The following PCDHGA12 variants were observed in gnomAD, a reference collection of about 807,000 sequenced individuals.
The protein encoded by PCDHGA12 is protocadherin gamma subfamily A, 12, also known as protocadherin gamma-A12.
Under a neutral mutation model 61.1 loss-of-function variants are expected in PCDHGA12, and 43 were observed. That is an observed-to-expected ratio of 0.70 (90% CI 0.55 to 0.91). PCDHGA12 has a LOEUF of 0.91. Among genes scored for constraint, PCDHGA12 ranks in the 40% least tolerant of loss-of-function variants. The probability of loss-of-function intolerance (pLI) is 0.00; values close to 1 mark genes in which losing one functional copy is unlikely to be tolerated. For missense variants in PCDHGA12, 1,236 were observed against 1,227.7 expected, an observed-to-expected ratio of 1.01 and a Z score of -0.10; for synonymous variants, 520 against 542.9, an observed-to-expected ratio of 0.96 and a Z score of 0.59.
chr5:141,485,882 G>C lies in PCDHGA12; in HGVS notation c.2425-8925G>C. 6.2e-7 allele frequency: 1 copy of C among 1,614,146 alleles called. No homozygotes were observed. On this transcript the variant is annotated intron_variant, in intron 1 of 3. Transcript: ENST00000252085. The surrounding 1 kb of genome is among the most constrained non-coding windows in gnomAD (Gnocchi z 5.7). ...CCGGGTATCCGTGCTGGACGTAAACGACAACGCCCCAGCCTTCCAGCAATC... is the reference window on the plus strand; with the variant it reads ...CCGGGTATCCGTGCTGGACGTAAACCACAACGCCCCAGCCTTCCAGCAATC...
rs1562187768 is a variant in PCDHGA12, at chr5:141,499,029, A to AAGG, written c.2483+4165_2483+4166insGGA. 5.0e-3 allele frequency among the ~76,000 whole-genome samples: 706 copies of AAGG among 140,066 alleles called. 6 individuals carry two copies. Among genetic ancestry groups the AAGG allele is most frequent in the African/African-American group, 0.019 (683 of 36,064 alleles). The allele number at this position is 140,066 out of a possible 152,430, so 91.9% of individuals were successfully genotyped here. A position where few individuals can be genotyped will look rare whatever the true frequency, so the allele number is the denominator to read the frequency against. ...GGAAGGAAGGAAGGAAGGAAGGAAG[A>AAGG]AAAGAAAGAAAAAGGGAGAAAAAAT... On this transcript the variant is annotated intron_variant, in intron 2 of 3. Transcript: ENST00000252085.
At chr5:141,473,102 C>T (rs1465515592) in intron 1 of PCDHGA12, among the ~76,000 whole-genome samples, 1 of 152,054 alleles carries the variant, frequency 6.6e-6, no homozygotes, top group Non-Finnish European at 1.5e-5. Flanking sequence ...AGTTGTATTA[C>T]CACACTTTAC....
Position 141,487,892 on chromosome 5 carries a change from T to A in PCDHGA12, c.2425-6915T>A. On this transcript the variant is annotated intron_variant, in intron 1 of 3. Coordinates refer to ENST00000252085, the MANE Select transcript of PCDHGA12 (RefSeq NM_003735.3). The surrounding 1 kb of genome is among the most constrained non-coding windows in gnomAD (Gnocchi z 5.0). The stretch of plus-strand genomic sequence containing the variant: ...GAGCCAGGCTGTTGTGGAAGCATGA[T>A]GATGGAATGTGGGAGCACAGGAGGC... 1 of 731,410 alleles carries A rather than the reference T, an allele frequency of 1.4e-6. No homozygotes were observed. Among genetic ancestry groups the A allele is most frequent in the South Asian group, 1.8e-5 (1 of 54,120 alleles). The allele number at this position is 731,410 out of a possible 1,614,324, so 45.3% of individuals were successfully genotyped here. A position where few individuals can be genotyped will look rare whatever the true frequency, so the allele number is the denominator to read the frequency against.
chr5:141,455,466 A>G (rs1253494886), intron 1 of PCDHGA12, among the ~76,000 whole-genome samples: 1 of 152,164 alleles, frequency 6.6e-6, no homozygotes, highest in East Asian at 1.9e-4. Flanking sequence ...AGCCAGGTAT[A>G]TATGCAGAGG....
intron 1 of PCDHGA12, among the ~76,000 whole-genome samples, chr5:141,480,408 C>A (rs371569489): frequency 7.2e-6 from 1 of 138,932 alleles, no homozygotes; most frequent in African/African-American, 2.9e-5. Flanking sequence ...GAGTGAGACC[C>A]TGTCTCAAAA....
At position 141,432,195 on chromosome 5, in the gene PCDHGA12, C is replaced by G; in HGVS notation, c.1436C>G (p.Pro479Arg). 1 of 1,614,206 alleles carries G rather than the reference C, an allele frequency of 6.2e-7. No individual in the cohort carries two copies. The highest frequency in any genetic ancestry group is 8.5e-7 in the Non-Finnish European group (1 of 1,180,050). The change falls in exon 1 of 4, where the codon CCC (proline) becomes CGC (arginine). Residue 479 changes from proline to arginine, a missense_variant. Physicochemically the swap from Pro to Arg is moderately radical, Grantham distance 103. Transcript: ENST00000252085. The surrounding 1 kb of genome is among the most constrained non-coding windows in gnomAD (Gnocchi z 6.0). The part of the protein sequence containing the change: ...VSLVSVTAHD[P>R]DCEENAQITY... ...CTCGTCTCTGTGACCGCCCACGACC[C>G]CGACTGTGAAGAGAACGCCCAGATC...
At chr5:141,450,627 C>G (rs947866993) in intron 1 of PCDHGA12, among the ~76,000 whole-genome samples, 1 of 151,592 alleles carries the variant, frequency 6.6e-6, no homozygotes, top group African/African-American at 2.4e-5. Context: ...GCTGGGATTA[C>G]AGATGCCTGC....
intron 1 of PCDHGA12, among the ~76,000 whole-genome samples, chr5:141,447,983 G>A (rs1311439824): frequency 6.6e-6 from 1 of 151,972 alleles, no homozygotes; most frequent in Non-Finnish European, 1.5e-5. Context: ...CTACTCGGGA[G>A]GCTGAGGCAT....
At chr5:141,507,862 G>A (rs17286954) in intron 3 of PCDHGA12, among the ~76,000 whole-genome samples, 4 of 152,076 alleles carry the variant, frequency 2.6e-5, no homozygotes, top group African/African-American at 7.2e-5. Flanking sequence ...TTTCACACCC[G>A]CTTCCTAGCC....
chr5:141,431,624 G>C lies in PCDHGA12; in HGVS notation c.865G>C (p.Ala289Pro). The C allele has an allele frequency of 2.5e-6, 4 of 1,614,234 alleles. No individual in the cohort carries two copies. Among genetic ancestry groups the C allele is most frequent in the Non-Finnish European group, 3.4e-6 (4 of 1,180,038 alleles). Residue 289 changes from alanine (A) to proline (P), a missense_variant, in exon 1 of 4, where the codon GCC becomes CCC. By Grantham distance (27) the Ala-to-Pro change is conservative. Transcript: ENST00000252085. This position sits in a 1 kb window ranked among gnomAD's most constrained non-coding sequence, Gnocchi z 4.8. ...YSFRYVDDKAAQVFKLDCNSG... is the reference protein window; with the variant it reads ...YSFRYVDDKAPQVFKLDCNSG... ...CTTCCGGTATGTGGACGACAAGGCG[G>C]CCCAAGTTTTCAAACTAGATTGTAA...
chr5:141,444,472 C>A (rs559334960), intron 1 of PCDHGA12, among the ~76,000 whole-genome samples: 2 of 151,850 alleles, frequency 1.3e-5, no homozygotes, highest in Non-Finnish European at 2.9e-5. Context: ...CGCCCGGTCG[C>A]GTACTGGATT....
rs765185360 is a variant in PCDHGA12, at chr5:141,491,451, C to T, written c.2425-3356C>T. 1.2e-6 allele frequency: 2 copies of T among 1,614,112 alleles called. No individual in the cohort carries two copies. The highest frequency in any genetic ancestry group is 1.1e-5 in the South Asian group (1 of 91,082). On this transcript the variant is annotated intron_variant, in intron 1 of 3. Coordinates refer to ENST00000252085, the MANE Select transcript of PCDHGA12 (RefSeq NM_003735.3). This position sits in a 1 kb window ranked among gnomAD's most constrained non-coding sequence, Gnocchi z 6.9. ...AGTGCTGCAGGCGCCAGGACTCACC[C>T]TCCCCGGACTTCTATAAGCAGTCCA...
At chr5:141,460,981 GTGTA>G (rs1315974712) in intron 1 of PCDHGA12, among the ~76,000 whole-genome samples, 3 of 121,894 alleles carry the variant, frequency 2.5e-5, no homozygotes, top group Non-Finnish European at 5.1e-5. Context: ...GTGTGTGTGT[GTGTA>G]TATATATATA....
In PCDHGA12 at chr5:141,432,262, A is replaced by G; in HGVS notation, c.1503A>G (p.Leu501=). 1.9e-6 allele frequency: 3 copies of G among 1,614,222 alleles called. No homozygotes were observed. Among genetic ancestry groups the G allele is most frequent in the Non-Finnish European group, 2.5e-6 (3 of 1,180,036 alleles). Residue 501 remains leucine (L), a synonymous_variant, in exon 1 of 4, where the codon CTA becomes CTG. Coordinates refer to ENST00000252085, the MANE Select transcript of PCDHGA12 (RefSeq NM_003735.3). This position sits in a 1 kb window ranked among gnomAD's most constrained non-coding sequence, Gnocchi z 6.0. ...AGAACACCATCCAAGGGGCAAGCCT[A>G]TCGTCCTACGTGTCCATCAACTCCG... ...LAENTIQGAS[L]SSYVSINSDT... is the part of the protein sequence containing the mutation.
rs1322608789 is a variant in PCDHGA12, at chr5:141,485,671, G to A, written c.2425-9136G>A. 3 of 1,612,860 alleles carry A rather than the reference G, an allele frequency of 1.9e-6. No homozygotes were observed. The highest frequency in any genetic ancestry group is 2.5e-6 in the Non-Finnish European group (3 of 1,179,040). On this transcript the variant is annotated intron_variant, in intron 1 of 3. Coordinates refer to ENST00000252085, the MANE Select transcript of PCDHGA12 (RefSeq NM_003735.3). This position sits in a 1 kb window ranked among gnomAD's most constrained non-coding sequence, Gnocchi z 5.7. Reference sequence around the variant, plus strand: ...AGGATGCAGATGTGGGGAGCAATTCGATTAGCAGCTATAGGCTGAGCTCCA... The same window carrying A: ...AGGATGCAGATGTGGGGAGCAATTCAATTAGCAGCTATAGGCTGAGCTCCA...
intron 1 of PCDHGA12, among the ~76,000 whole-genome samples, chr5:141,444,253 C>T (rs2154560603): frequency 7.0e-6 from 1 of 142,690 alleles, no homozygotes; most frequent in South Asian, 2.3e-4. Flanking sequence ...CTCACTGCAA[C>T]CTCCGCCTCC....
intron 1 of PCDHGA12, among the ~76,000 whole-genome samples, chr5:141,438,252 G>A (rs1181991674): frequency 6.6e-6 from 1 of 152,072 alleles, no homozygotes. Context: ...AACTGTCATT[G>A]AAGAGACCAT....
At chr5:141,456,217 A>G (rs1328039447) in intron 1 of PCDHGA12, among the ~76,000 whole-genome samples, 1 of 152,064 alleles carries the variant, frequency 6.6e-6, no homozygotes, top group East Asian at 1.9e-4. Context: ...CCCTGTGGCG[A>G]TATCAAACTA....
intron 1 of PCDHGA12, among the ~76,000 whole-genome samples, chr5:141,443,764 C>A (rs1351060316): frequency 6.6e-6 from 1 of 151,708 alleles, no homozygotes; most frequent in Non-Finnish European, 1.5e-5. Flanking sequence ...TTACAATATA[C>A]AATATTACCA....
Sources: gnomAD v4.1 joint callset for allele counts (sites outside exome capture counted in the v4.1 genomes callset) on GRCh38, gnomAD v4.1.1 for gene constraint, Gnocchi (gnomAD v3.1) non-coding constraint, MANE v1.5 for transcripts, NCBI Gene and HGNC (gene_info 2026-07-23, HGNC 2026-07-21) for gene names.